The following RABEP1 variants were observed in gnomAD, a reference collection of about 807,000 sequenced individuals.
The protein encoded by RABEP1 is rabaptin, RAB GTPase binding effector protein 1.
Under a neutral mutation model 123.4 loss-of-function variants are expected in RABEP1, and 51 were observed. The ratio of observed to expected loss-of-function variants is 0.41; its 90% CI spans 0.33 to 0.52. RABEP1 has a LOEUF of 0.52. Ranked by LOEUF, RABEP1 falls within the 20% of genes least tolerant of loss-of-function variation. The pLI, the probability that RABEP1 is intolerant of heterozygous loss-of-function variation, is 0.16. For missense variants in RABEP1, 888 were observed against 996.3 expected, an observed-to-expected ratio of 0.89 and a Z score of 1.46; for synonymous variants, 347 against 355.2, an observed-to-expected ratio of 0.98 and a Z score of 0.26.
At chr17:5,338,805 G>A (rs1009564568) in intron 5 of RABEP1, among the ~76,000 whole-genome samples, 1 of 152,130 alleles carries the variant, frequency 6.6e-6, no homozygotes, top group African/African-American at 2.4e-5. Context: ...ATCTTTTAGA[G>A]ATAATGTAGC....
intron 17 of RABEP1, among the ~76,000 whole-genome samples, chr17:5,382,051 A>G (rs1911513432): frequency 6.6e-6 from 1 of 150,646 alleles, no homozygotes; most frequent in African/African-American, 2.5e-5. Context: ...ATATTGTGCT[A>G]AAACTAAGTT....
In RABEP1 at chr17:5,349,360, A is replaced by G. The variant is rs540052398; in HGVS notation, c.785-1091A>G. On this transcript the variant is annotated intron_variant, in intron 6 of 17. Transcript: ENST00000537505. ...AGAAGATAGATATATCATATTGCAG[A>G]GAAGGCCGAGTTAGCAGGTCTCTGT... Among the ~76,000 whole-genome samples the G allele has an allele frequency of 2.6e-5, 4 of 152,322 alleles. No homozygotes were observed. In the East Asian group the frequency reaches 7.7e-4, roughly 29 times the overall value.
chr17:5,304,034 C>T (rs75927132), intron 1 of RABEP1, among the ~76,000 whole-genome samples: 1 of 107,224 alleles, frequency 9.3e-6, no homozygotes, highest in Non-Finnish European at 2.3e-5. Flanking sequence ...AATTCCATCT[C>T]AAAAAAAAAA....
intron 2 of RABEP1, among the ~76,000 whole-genome samples, chr17:5,325,194 G>C (rs1905850484): frequency 1.3e-5 from 2 of 152,014 alleles, no homozygotes; most frequent in Admixed American, 1.3e-4. Flanking sequence ...AAATTATCTA[G>C]GCGTAGTGGT....
intron 6 of RABEP1, among the ~76,000 whole-genome samples, chr17:5,349,580 C>T (rs530890064): frequency 3.3e-4 from 51 of 152,248 alleles, no homozygotes; most frequent in Non-Finnish European, 5.1e-4. Flanking sequence ...CCGGACCCAA[C>T]GAGGATTTCT....
chr17:5,381,251 A>C, intron 16 of RABEP1, 138 bp from the exon 17 acceptor site: 79 of 1,099,242 alleles, frequency 7.2e-5, no homozygotes, highest in East Asian at 2.1e-4. Flanking sequence ...CTATAGATAA[A>C]GAGATTGGTC....
intron 2 of RABEP1, among the ~76,000 whole-genome samples, chr17:5,312,707 G>A (rs1330168894): frequency 6.6e-6 from 1 of 152,154 alleles, no homozygotes; most frequent in Non-Finnish European, 1.5e-5. Context: ...AGGTTGGGAT[G>A]AATGAGATAT....
chr17:5,291,318 G>T (rs891960687), intron 1 of RABEP1, among the ~76,000 whole-genome samples: 1 of 152,150 alleles, frequency 6.6e-6, no homozygotes. Flanking sequence ...GCTGAGGCAG[G>T]AGAATTGCTT....
At chr17:5,290,040 G>C (rs1297768255) in intron 1 of RABEP1, among the ~76,000 whole-genome samples, 1 of 152,138 alleles carries the variant, frequency 6.6e-6, no homozygotes, top group Admixed American at 6.6e-5. Context: ...ACTGAAGTTT[G>C]ATGTTCTCTT....
chr17:5,282,640 C>A, intron 1 of RABEP1, 120 bp downstream of exon 1: 1 of 639,970 alleles, frequency 1.6e-6, no homozygotes, highest in Non-Finnish European at 1.9e-6. Context: ...GGTGACCCCG[C>A]CGGGCGGAGG....
rs1567867905 is a variant in RABEP1, at chr17:5,299,713, TCTTTTC to T, written c.35-8980_35-8975del. Among the ~76,000 whole-genome samples the T allele has an allele frequency of 1.1e-4, 14 of 129,290 alleles. 1 individual carries two copies. The South Asian group carries it at 1.9e-3, about 17-fold the overall frequency. The allele number at this position is 129,290 out of a possible 152,430, so 84.8% of individuals were successfully genotyped here. ...CTGCACTCATTTCTTTTTCTTTTTT[TCTTTTC>T]TTTTTCTTTTTCTTTTTTTTTTTTT... On this transcript the variant is annotated intron_variant, in intron 1 of 17. Coordinates refer to ENST00000537505, the MANE Select transcript of RABEP1 (RefSeq NM_004703.6).
At chr17:5,381,625 T>TC (rs1253401335) in intron 17 of RABEP1, 120 bp downstream of exon 17, 9 of 1,434,012 alleles carry the variant, frequency 6.3e-6, no homozygotes, top group Non-Finnish European at 8.3e-6. Flanking sequence ...TGCTCCTACC[T>TC]CCACCCCAAA....
rs1217374040 is a variant in RABEP1, at chr17:5,365,142, G to A, written c.1689G>A (p.Met563Ile). The change falls in exon 11 of 18, where the codon ATG (methionine) becomes ATA (isoleucine). Residue 563 changes from methionine (M) to isoleucine (I), a missense_variant. Physicochemically the swap from Met to Ile is conservative, Grantham distance 10 (BLOSUM62 1). Transcript: ENST00000537505. The stretch of plus-strand genomic sequence containing the variant: ...TACAGGTGAAAAAACTACAGCTGAT[G>A]CTAAGGCAAGCTAATGACCAGTTAG... The part of the protein sequence containing the change: ...TRDQVKKLQL[M>I]LRQANDQLEK... The A allele has an allele frequency of 1.2e-6, 2 of 1,607,978 alleles. No individual in the cohort carries two copies. Among genetic ancestry groups the A allele is most frequent in the Non-Finnish European group, 8.5e-7 (1 of 1,177,986 alleles).
At chr17:5,379,894 G>T (rs969725643) in intron 15 of RABEP1, among the ~76,000 whole-genome samples, 1 of 152,192 alleles carries the variant, frequency 6.6e-6, no homozygotes. Flanking sequence ...CTCAGTGCCT[G>T]TGGCTCCCAA....
intron 12 of RABEP1, chr17:5,371,637 C>T (rs1321560547): frequency 2.0e-5 from 3 of 152,202 alleles, no homozygotes; most frequent in Non-Finnish European, 4.4e-5. Flanking sequence ...TATGCATGGC[C>T]GTGACTGCCT....
chr17:5,339,929 T>A (rs1907440344), intron 5 of RABEP1, among the ~76,000 whole-genome samples: 1 of 152,162 alleles, frequency 6.6e-6, no homozygotes, highest in African/African-American at 2.4e-5. Context: ...AAGCCACTAA[T>A]AGAGATAAAG....
In RABEP1 at chr17:5,368,552, T is replaced by C. The variant is rs1358188075; in HGVS notation, c.1884+84T>C. The C allele has an allele frequency of 3.3e-5, 32 of 970,654 alleles. No individual in the cohort carries two copies. The East Asian group carries it at 7.7e-4, about 23-fold the overall frequency. 60.1% of individuals were successfully genotyped at this position (970,654 alleles called of 1,614,324 possible). A position where few individuals can be genotyped will look rare whatever the true frequency, so the allele number is the denominator to read the frequency against. On this transcript the variant is annotated intron_variant, in intron 12 of 17. Coordinates refer to ENST00000537505, the MANE Select transcript of RABEP1 (RefSeq NM_004703.6). The stretch of plus-strand genomic sequence containing the variant: ...ATCTTGACATCATCTTTGATAGGAA[T>C]TTATCATCCTGTCCAAAGTAGTTAC...
chr17:5,307,897 A>G (rs910553232), intron 1 of RABEP1, among the ~76,000 whole-genome samples: 1 of 151,992 alleles, frequency 6.6e-6, no homozygotes, highest in Admixed American at 6.6e-5. Context: ...TTTGATTATG[A>G]TCTCAGTATA....
At chr17:5,325,210 C>T (rs556103604) in intron 2 of RABEP1, among the ~76,000 whole-genome samples, 19 of 151,974 alleles carry the variant, frequency 1.3e-4, no homozygotes, top group Admixed American at 1.3e-4. Flanking sequence ...GTGGTGCCTG[C>T]GTGTAATCCC....
Sources: gnomAD v4.1 joint callset for allele counts (sites outside exome capture counted in the v4.1 genomes callset) on GRCh38, gnomAD v4.1.1 for gene constraint, MANE v1.5 for transcripts, NCBI Gene and HGNC (gene_info 2026-07-23, HGNC 2026-07-21) for gene names.